The following ORC2 variants were observed in gnomAD, a reference collection of about 807,000 sequenced individuals.
ORC2 encodes the protein origin recognition complex subunit 2, also known as origin recognition complex protein 2 homolog.
A neutral mutation model predicts 77.7 loss-of-function variants in ORC2; 37 were observed. The observed-to-expected ratio is 0.48, with a 90% CI of 0.37 to 0.63. ORC2 has a LOEUF of 0.63. Among genes scored for constraint, ORC2 ranks in the 20% least tolerant of loss-of-function variants. The pLI is 0.00. For synonymous variants in ORC2, 201 were observed against 229.5 expected, an observed-to-expected ratio of 0.88 and a Z score of 1.12; for missense variants, 557 against 661.9, an observed-to-expected ratio of 0.84 and a Z score of 1.74.
chr2:200,928,724 G>GA (rs2040885659), intron 11 of ORC2, among the ~76,000 whole-genome samples: 1 of 151,532 alleles, frequency 6.6e-6, no homozygotes, highest in Non-Finnish European at 1.5e-5. Flanking sequence ...TGAGGCAGGA[G>GA]AATGGCGTGA....
rs1038726106 is a variant in ORC2, at chr2:200,921,071, G to T, written c.1216C>A (p.Gln406Lys). ...DSQMLRGEKS[Q>K]QIIGQLSSLH... is the part of the protein sequence containing the mutation. ...GATGACAACTGACCAATGATTTGCT[G>T]GCTCTTCTCTCCTCTCAACATCTGG... Residue 406 changes from glutamine to lysine, a missense_variant, in exon 14 of 18, where the codon CAG becomes AAG. By Grantham distance (53) the Gln-to-Lys change is moderately conservative. Coordinates refer to ENST00000234296, the MANE Select transcript of ORC2 (RefSeq NM_006190.5). 6.2e-6 allele frequency: 10 copies of T among 1,609,752 alleles called. No homozygotes were observed. Among genetic ancestry groups the T allele is most frequent in the Non-Finnish European group, 8.5e-6 (10 of 1,176,974 alleles).
chr2:200,925,899 G>A lies in ORC2; in HGVS notation c.1084C>T (p.His362Tyr). ...AGTATACTGCGGAAAGTACCCATAT[G>A]ATCGAGGACTTCTTCTGTTATAGAA... ...LNSITEEVLD[H>Y]MGTFRSILDQ... is the part of the protein sequence containing the mutation. The change falls in exon 13 of 18, where the codon CAT (histidine) becomes TAT (tyrosine). Residue 362 changes from histidine to tyrosine, a missense_variant. By Grantham distance (83) the His-to-Tyr change is moderately conservative. Transcript: ENST00000234296. 6.3e-7 allele frequency: 1 copy of A among 1,594,840 alleles called. No individual in the cohort carries two copies. Among genetic ancestry groups the A allele is most frequent in the Non-Finnish European group, 8.6e-7 (1 of 1,165,166 alleles).
intron 5 of ORC2, chr2:200,943,007 T>C (rs762827731): frequency 6.4e-6 from 2 of 313,572 alleles, no homozygotes; most frequent in Non-Finnish European, 1.2e-5. Context: ...AAAATACAAA[T>C]AACTAACTTT....
At chr2:200,933,051 CTA>C (rs1265696840) in intron 10 of ORC2, among the ~76,000 whole-genome samples, 2 of 152,238 alleles carry the variant, frequency 1.3e-5, no homozygotes, top group Admixed American at 1.3e-4. Flanking sequence ...TATTGTGAGT[CTA>C]GACTCATGTG....
chr2:200,937,413 G>A (rs1280672727), intron 8 of ORC2, among the ~76,000 whole-genome samples: 1 of 152,148 alleles, frequency 6.6e-6, no homozygotes, highest in Non-Finnish European at 1.5e-5. Flanking sequence ...ATGAAGCCCT[G>A]ATGTTAGGCT....
chr2:200,926,867 A>G lies in ORC2; in HGVS notation c.951T>C (p.Gly317=), dbSNP rs747691944. Residue 317 remains glycine (G), a synonymous_variant, in exon 12 of 18, where the codon GGT becomes GGC. Transcript: ENST00000234296. Reference sequence around the variant, plus strand: ...ACCTTTCTAGTAAATCTCTCTTAGAACCCAAACCATAAAGCACAATGTTGA... The same window carrying G: ...ACCTTTCTAGTAAATCTCTCTTAGAGCCCAAACCATAAAGCACAATGTTGA... ...LGFNIVLYGL[G]SKRDLLERFR... 6.2e-7 allele frequency: 1 copy of G among 1,614,008 alleles called. No homozygotes were observed. Among genetic ancestry groups the G allele is most frequent in the Admixed American group, 1.7e-5 (1 of 60,018 alleles).
At chr2:200,932,861 G>C (rs992356728) in intron 10 of ORC2, among the ~76,000 whole-genome samples, 1 of 152,176 alleles carries the variant, frequency 6.6e-6, no homozygotes, top group African/African-American at 2.4e-5. Flanking sequence ...GCAAATCCTA[G>C]ATCAGCCAAC....
chr2:200,922,099 T>C (rs907590466), intron 13 of ORC2, among the ~76,000 whole-genome samples: 10 of 127,990 alleles, frequency 7.8e-5, no homozygotes, highest in African/African-American at 3.0e-4. Context: ...AGAGATTATA[T>C]AGAAAACCCG....
chr2:200,934,072 T>G, intron 9 of ORC2, 98 bp from the exon 10 acceptor site: 1 of 577,930 alleles, frequency 1.7e-6, no homozygotes, highest in Non-Finnish European at 3.1e-6. Flanking sequence ...ACACGTGAAA[T>G]TCTTTACTTG....
chr2:200,911,247 AGTGG>A lies in ORC2; in HGVS notation c.*50_*53del. The A allele has an allele frequency of 1.0e-6, 1 of 961,508 alleles. No homozygotes were observed. Among genetic ancestry groups the A allele is most frequent in the South Asian group, 1.3e-5 (1 of 76,670 alleles). The allele number at this position is 961,508 out of a possible 1,614,324, so 59.6% of individuals were successfully genotyped here. A position where few individuals can be genotyped will look rare whatever the true frequency, so the allele number is the denominator to read the frequency against. On this transcript the variant is annotated 3_prime_UTR_variant, in exon 18 of 18. Transcript: ENST00000234296. ...TAAACACAACACTTTCAACTAGAGGAGTGGCAGCTGGGGTACAACCCTTCCATGG... is the reference window on the plus strand; with the variant it reads ...TAAACACAACACTTTCAACTAGAGGACAGCTGGGGTACAACCCTTCCATGG...
chr2:200,914,781 T>C (rs2040611884), intron 15 of ORC2, among the ~76,000 whole-genome samples: 1 of 152,026 alleles, frequency 6.6e-6, no homozygotes, highest in Non-Finnish European at 1.5e-5. Context: ...TTTCTTACTT[T>C]TTAGGTTAGT....
rs2041029228 is a variant in ORC2 at position 200,935,709 on chromosome 2, C to T, written c.698G>A (p.Arg233Lys). ...GKETPSKRMK[R>K]DKTSDLVEEY... is the part of the protein sequence containing the mutation. ...TCTCTCTTCACTTACTGTTTTATCT[C>T]TTTTCATTCTCTTAGAAGGTGTTTC... The change falls in exon 9 of 18, where the codon AGA becomes AAA. Residue 233 changes from arginine to lysine, a missense_variant. Physicochemically the swap from Arg to Lys is conservative, Grantham distance 26. Transcript: ENST00000234296. The T allele has an allele frequency of 6.2e-7, 1 of 1,603,224 alleles. No homozygotes were observed.
intron 9 of ORC2, among the ~76,000 whole-genome samples, 160 bp downstream of exon 9, chr2:200,935,539 A>G (rs535979808): frequency 2.0e-5 from 3 of 152,380 alleles, no homozygotes; most frequent in South Asian, 4.1e-4. Flanking sequence ...AAAGCCCAGA[A>G]GTAGAAACAA....
intron 4 of ORC2, among the ~76,000 whole-genome samples, chr2:200,952,254 A>T (rs374127201): frequency 1.1e-4 from 16 of 151,434 alleles, no homozygotes; most frequent in South Asian, 4.2e-4. Context: ...ATATTTATAT[A>T]ATTTATTTAT....
Position 200,909,019 on chromosome 2 carries a change from A to T in ORC2, c.*2282T>A, listed in dbSNP as rs1450558722. The stretch of plus-strand genomic sequence containing the variant: ...AATTGGCTTTTTATTTATTAATAAT[A>T]AAGTCTACTGACACATACTGCTTGC... On this transcript the variant is annotated 3_prime_UTR_variant, in exon 18 of 18. Coordinates refer to ENST00000234296, the MANE Select transcript of ORC2 (RefSeq NM_006190.5). 1 of 152,246 alleles carries T rather than the reference A, an allele frequency of 6.6e-6. No homozygotes were observed. The highest frequency in any genetic ancestry group is 1.9e-4 in the East Asian group (1 of 5,200). The allele number at this position is 152,246 out of a possible 1,614,324, so 9.4% of individuals were successfully genotyped here.
At position 200,913,145 on chromosome 2, in the gene ORC2, A is replaced by T. The variant is rs2040579960; in HGVS notation, c.1647+150T>A. The T allele has an allele frequency of 1.4e-5, 7 of 496,912 alleles. No homozygotes were observed. In the East Asian group the frequency reaches 3.1e-4, roughly 22 times the overall value. 30.8% of individuals were successfully genotyped at this position (496,912 alleles called of 1,614,324 possible). A position where few individuals can be genotyped will look rare whatever the true frequency, so the allele number is the denominator to read the frequency against. ...GTACTTCTACCATGGCTCTTTCTAC[A>T]AACTCAAATGGCACATCCCCTAAAT... On this transcript the variant is annotated intron_variant, in intron 17 of 17. Transcript: ENST00000234296.
chr2:200,940,634 T>C (rs1447576562), intron 7 of ORC2, among the ~76,000 whole-genome samples: 3 of 151,590 alleles, frequency 2.0e-5, no homozygotes, highest in African/African-American at 7.3e-5. Context: ...AAGCCTTGCC[T>C]CTACTAAAAA....
intron 16 of ORC2, 191 bp from the exon 17 acceptor site, chr2:200,913,604 T>G: frequency 7.8e-7 from 1 of 1,286,328 alleles, no homozygotes; most frequent in Non-Finnish European, 9.8e-7. Flanking sequence ...AAATGTTTGT[T>G]GAAATCATTT....
At chr2:200,941,363 C>A in intron 6 of ORC2, 84 bp from the exon 7 acceptor site, 1 of 1,285,732 alleles carries the variant, frequency 7.8e-7, no homozygotes, top group Non-Finnish European at 1.1e-6. Context: ...GTAAAGTTTG[C>A]CAGGCATGGT....
Sources: allele counts gnomAD v4.1 joint callset (sites outside exome capture counted in the v4.1 genomes callset), GRCh38; gene constraint gnomAD v4.1.1; transcripts MANE v1.5; gene names NCBI Gene and HGNC (gene_info 2026-07-23, HGNC 2026-07-21).